SDK1: variants seen among roughly 807,000 people sequenced by gnomAD.
SDK1 encodes protein sidekick-1.
A neutral mutation model predicts 245.5 loss-of-function variants in SDK1; 157 were observed. The observed-to-expected ratio is 0.64, with a 90% confidence interval of 0.56 to 0.73. The LOEUF is 0.73. Among genes scored for constraint, SDK1 ranks in the 30% least tolerant of loss-of-function variants. The pLI, the probability that SDK1 is intolerant of heterozygous loss-of-function variation, is 0.00. For synonymous variants in SDK1, 1,647 were observed against 1,278.5 expected (o/e 1.29, Z -6.15); for missense variants, 3,583 against 3,002.3 (o/e 1.19, Z -4.52).
chr7:3,889,443 A>G (rs1781406688), intron 5 of SDK1, among the ~76,000 whole-genome samples: 1 of 152,164 alleles, frequency 6.6e-6, no homozygotes, highest in Non-Finnish European at 1.5e-5. Flanking sequence ...GCTGCATTGG[A>G]ATCTACCGTG....
At chr7:3,869,491 T>C (rs1046260274) in intron 5 of SDK1, among the ~76,000 whole-genome samples, 1 of 152,116 alleles carries the variant, frequency 6.6e-6, no homozygotes, top group Admixed American at 6.5e-5. Flanking sequence ...CAGTCAGGTG[T>C]GCAAGCCCAG....
At chr7:3,844,932 T>G (rs12701219) in intron 5 of SDK1, among the ~76,000 whole-genome samples, 39,209 of 152,162 alleles carry the variant, frequency 0.26, 5,393 homozygotes, top group Middle Eastern at 0.39. Context: ...AAAGAGCTTA[T>G]GACATCATAC....
intron 1 of SDK1, among the ~76,000 whole-genome samples, chr7:3,424,265 A>C (rs887602021): frequency 1.3e-5 from 2 of 152,180 alleles, no homozygotes. Context: ...AACAAATTGT[A>C]AGAAGATTAT....
chr7:3,365,117 T>C (rs1047587932), intron 1 of SDK1, among the ~76,000 whole-genome samples: 2 of 152,196 alleles, frequency 1.3e-5, no homozygotes, highest in African/African-American at 4.8e-5. Flanking sequence ...CCTTGCTGAT[T>C]TGAGGCCGCA....
intron 2 of SDK1, among the ~76,000 whole-genome samples, chr7:3,628,504 T>C (rs184978137): frequency 6.6e-6 from 1 of 152,124 alleles, no homozygotes; most frequent in African/African-American, 2.4e-5. Context: ...TATGGATGCA[T>C]GTTTGACTCT....
intron 19 of SDK1, among the ~76,000 whole-genome samples, chr7:4,057,424 CT>C (rs986789031): frequency 1.3e-5 from 2 of 152,190 alleles, no homozygotes; most frequent in Admixed American, 1.3e-4. Flanking sequence ...ACCCCTGGGC[CT>C]GGGGACTGGC....
At chr7:3,469,665 G>A (rs918042506) in intron 1 of SDK1, among the ~76,000 whole-genome samples, 2 of 151,992 alleles carry the variant, frequency 1.3e-5, no homozygotes, top group Non-Finnish European at 2.9e-5. Context: ...TCCATCTAAC[G>A]TCTAGTTACT....
chr7:4,103,212 G>A (rs1782683570), intron 22 of SDK1, among the ~76,000 whole-genome samples: 2 of 152,064 alleles, frequency 1.3e-5, no homozygotes, highest in East Asian at 1.9e-4. Flanking sequence ...ATGTTAGCCA[G>A]GATGGTCTCA....
intron 17 of SDK1, among the ~76,000 whole-genome samples, chr7:4,039,005 C>G (rs571142920): frequency 1.3e-5 from 2 of 152,216 alleles, no homozygotes; most frequent in South Asian, 4.1e-4. Context: ...TTTTTTACCA[C>G]TCTACTTGGT....
chr7:3,811,042 A>G (rs963540365), intron 4 of SDK1, among the ~76,000 whole-genome samples: 6 of 152,228 alleles, frequency 3.9e-5, no homozygotes, highest in African/African-American at 9.6e-5. Context: ...AGAAGAGGAC[A>G]GTAGATGACA....
intron 1 of SDK1, among the ~76,000 whole-genome samples, chr7:3,590,778 C>T (rs1303505594): frequency 2.6e-5 from 3 of 115,232 alleles, no homozygotes; most frequent in Non-Finnish European, 5.2e-5. Flanking sequence ...GAGTATAGCA[C>T]TTTTTTTTTT....
At chr7:3,569,484 A>G (rs1323830859) in intron 1 of SDK1, among the ~76,000 whole-genome samples, 1 of 152,370 alleles carries the variant, frequency 6.6e-6, no homozygotes, top group Non-Finnish European at 1.5e-5. Flanking sequence ...CTGTGATTGA[A>G]TGAGCCCGAG....
At chr7:3,628,588 G>C (rs889431991) in intron 2 of SDK1, among the ~76,000 whole-genome samples, 1 of 152,120 alleles carries the variant, frequency 6.6e-6, no homozygotes, top group East Asian at 1.9e-4. Flanking sequence ...TCTATATGCT[G>C]GGATACGTGG....
At chr7:3,874,455 G>C (rs894561477) in intron 5 of SDK1, among the ~76,000 whole-genome samples, 1 of 152,106 alleles carries the variant, frequency 6.6e-6, no homozygotes, top group Non-Finnish European at 1.5e-5. Flanking sequence ...TTTCTGTTCT[G>C]ATTAAGCCTC....
Position 3,301,880 on chromosome 7 carries a change from G to T in SDK1, c.294G>T (p.Ala98=), listed in dbSNP as rs1230178104. The T allele has an allele frequency of 6.2e-6, 7 of 1,135,966 alleles. No homozygotes were observed. Among genetic ancestry groups the T allele is most frequent in the Non-Finnish European group, 5.4e-6 (5 of 926,962 alleles). The allele number at this position is 1,135,966 out of a possible 1,614,324, so 70.4% of individuals were successfully genotyped here. A position where few individuals can be genotyped will look rare whatever the true frequency, so the allele number is the denominator to read the frequency against. Residue 98 remains alanine, a synonymous_variant, in exon 1 of 45, where the codon GCG becomes GCT. Transcript: ENST00000404826. The part of the protein sequence containing the change: ...ALQLHLLRAL[A]QDDVAPYFKT... ...AGCTGCACTTGCTCCGGGCGCTGGC[G>T]CAAGGTAGGTGCGCGCGGGGTCGCG...
intron 5 of SDK1, among the ~76,000 whole-genome samples, chr7:3,874,680 C>A (rs1348457342): frequency 6.6e-6 from 1 of 152,080 alleles, no homozygotes; most frequent in Non-Finnish European, 1.5e-5. Context: ...TTTGCTCTTT[C>A]TCCTGCATAG....
chr7:3,717,005 A>G (rs1785223070), intron 4 of SDK1, among the ~76,000 whole-genome samples: 1 of 152,178 alleles, frequency 6.6e-6, no homozygotes, highest in African/African-American at 2.4e-5. Context: ...AAAAAAATTT[A>G]ATTCCATCTC....
rs544975937 is a variant in SDK1 at position 4,183,335 on chromosome 7, A to T, written c.5098+4749A>T. On this transcript the variant is annotated intron_variant, in intron 35 of 44. Coordinates refer to ENST00000404826, the MANE Select transcript of SDK1 (RefSeq NM_152744.4). The stretch of plus-strand genomic sequence containing the variant: ...TCACATGCCTCCTGAGCAGTGAGGG[A>T]TTACTTACCCAGCTTACAGGCTGGG... Among the ~76,000 whole-genome samples the T allele has an allele frequency of 2.0e-5, 3 of 152,252 alleles. No homozygotes were observed. In the East Asian group the frequency reaches 5.8e-4, roughly 30 times the overall value.
chr7:4,024,954 G>A (rs576986184), intron 17 of SDK1, among the ~76,000 whole-genome samples: 1 of 152,254 alleles, frequency 6.6e-6, no homozygotes, highest in South Asian at 2.1e-4. Context: ...CGTAGAGGGT[G>A]GGTTTGCAGT....
Sources: allele counts gnomAD v4.1 joint callset (sites outside exome capture counted in the v4.1 genomes callset), GRCh38; gene constraint gnomAD v4.1.1; transcripts MANE v1.5; gene names NCBI Gene and HGNC (gene_info 2026-07-23, HGNC 2026-07-21).